Variants in ZNF423 observed in about 807,000 individuals in gnomAD.
ZNF423 encodes Ebf-associated zinc finger protein.
A neutral mutation model predicts 95.8 loss-of-function variants in ZNF423; 12 were observed. The observed-to-expected ratio is 0.13, with a 90% CI of 0.08 to 0.20. The LOEUF is 0.20. Among genes scored for constraint, ZNF423 ranks in the 10% least tolerant of loss-of-function variants. The pLI, the probability that ZNF423 is intolerant of heterozygous loss-of-function variation, is 1.00. For synonymous variants in ZNF423, 749 were observed against 711.9 expected, an observed-to-expected ratio of 1.05 and a Z score of -0.83; for missense variants, 1,316 against 1,737.1, an observed-to-expected ratio of 0.76 and a Z score of 4.31.
intron 5 of ZNF423, among the ~76,000 whole-genome samples, chr16:49,537,650 C>T (rs970353446): frequency 1.3e-5 from 2 of 152,192 alleles, no homozygotes; most frequent in African/African-American, 4.8e-5. Flanking sequence ...TCACAGTGCA[C>T]AGGGCCCTCA....
chr16:49,781,520 C>G (rs538669876), intron 2 of ZNF423, among the ~76,000 whole-genome samples: 1 of 152,182 alleles, frequency 6.6e-6, no homozygotes. Flanking sequence ...AACGCAAGTG[C>G]AGAAGCGCAG....
intron 5 of ZNF423, among the ~76,000 whole-genome samples, chr16:49,578,522 A>G (rs1970567454): frequency 1.3e-5 from 2 of 152,138 alleles, no homozygotes; most frequent in South Asian, 2.1e-4. Context: ...CTCCCGCCAC[A>G]GATGAGCAGA....
At chr16:49,631,046 C>T (rs1972476797) in intron 4 of ZNF423, among the ~76,000 whole-genome samples, 1 of 152,136 alleles carries the variant, frequency 6.6e-6, no homozygotes, top group Non-Finnish European at 1.5e-5. Context: ...CAACCTGTAA[C>T]ACAGATACAT....
chr16:49,649,323 G>A (rs1973299753), intron 3 of ZNF423, among the ~76,000 whole-genome samples: 2 of 152,110 alleles, frequency 1.3e-5, no homozygotes, highest in South Asian at 4.1e-4. Context: ...TCTCTTGATA[G>A]AGAGAATCCG....
intron 5 of ZNF423, among the ~76,000 whole-genome samples, chr16:49,609,630 GA>G (rs1971655765): frequency 6.6e-6 from 1 of 150,494 alleles, no homozygotes; most frequent in Non-Finnish European, 1.5e-5. Context: ...GAAGAGAGAA[GA>G]GAAAAAAAGA....
intron 2 of ZNF423, among the ~76,000 whole-genome samples, chr16:49,757,463 G>T (rs1016648607): frequency 2.0e-5 from 3 of 152,244 alleles, no homozygotes; most frequent in African/African-American, 7.2e-5. Context: ...CCTGCTTGAA[G>T]TTAAGTTTCC....
chr16:49,789,447 G>T, intron 2 of ZNF423, 40 bp downstream of exon 2: 2 of 1,594,172 alleles, frequency 1.3e-6, no homozygotes, highest in African/African-American at 1.4e-5. Context: ...CCAGCCCCCA[G>T]GACCCCCTGC....
chr16:49,552,256 A>C (rs796092749), intron 5 of ZNF423, among the ~76,000 whole-genome samples: 23 of 152,278 alleles, frequency 1.5e-4, no homozygotes, highest in African/African-American at 5.3e-4. Context: ...TCTGCCACTG[A>C]CTCACTGTGT....
At chr16:49,783,222 G>A (rs576319161) in intron 2 of ZNF423, among the ~76,000 whole-genome samples, 1 of 152,040 alleles carries the variant, frequency 6.6e-6, no homozygotes, top group African/African-American at 2.4e-5. Flanking sequence ...AGGGGTTAGG[G>A]GTAGGGTTAG....
chr16:49,836,898 C>G (rs1377058778), intron 1 of ZNF423, among the ~76,000 whole-genome samples: 2 of 152,158 alleles, frequency 1.3e-5, no homozygotes, highest in African/African-American at 4.8e-5. Context: ...GAGCTCAGAC[C>G]CTGGGAACCC....
chr16:49,709,940 A>G (rs540265680), intron 3 of ZNF423, among the ~76,000 whole-genome samples: 12 of 152,282 alleles, frequency 7.9e-5, no homozygotes, highest in African/African-American at 2.9e-4. Flanking sequence ...GCCAGAGCGG[A>G]CTGAGGCAGC....
intron 2 of ZNF423, among the ~76,000 whole-genome samples, chr16:49,740,932 C>A (rs2033401762): frequency 6.6e-6 from 1 of 152,202 alleles, no homozygotes. Flanking sequence ...TATCTTTCGC[C>A]TCGTGACCCC....
chr16:49,572,261 C>T lies in ZNF423; in HGVS notation c.3602-46767G>A, dbSNP rs547440903. 2.6e-5 allele frequency among the ~76,000 whole-genome samples: 4 copies of T among 152,230 alleles called. No homozygotes were observed. In the South Asian group the frequency reaches 6.2e-4, roughly 24 times the overall value. ...ATGACAATTCCCTCGGCAGAGGGAACGTCCCATCCCAGTGGGACACAAGGA... is the reference window on the plus strand; with the variant it reads ...ATGACAATTCCCTCGGCAGAGGGAATGTCCCATCCCAGTGGGACACAAGGA... On this transcript the variant is annotated intron_variant, in intron 5 of 7. Transcript: ENST00000563137.
chr16:49,807,084 A>G (rs934708292), intron 1 of ZNF423, among the ~76,000 whole-genome samples: 6 of 151,932 alleles, frequency 3.9e-5, no homozygotes, highest in Non-Finnish European at 8.8e-5. Flanking sequence ...TGTTAAACAT[A>G]CACTACAGCA....
chr16:49,491,409 G>C (rs1211780810), intron 7 of ZNF423, 105 bp from the exon 8 acceptor site: 15 of 1,410,180 alleles, frequency 1.1e-5, no homozygotes, highest in Non-Finnish European at 1.4e-5. Flanking sequence ...AAAGCGTCTC[G>C]ATTATAACAA....
intron 3 of ZNF423, among the ~76,000 whole-genome samples, chr16:49,715,569 C>T (rs558499202): frequency 4.3e-4 from 66 of 152,248 alleles, no homozygotes; most frequent in African/African-American, 1.5e-3. Flanking sequence ...ACCAAGACCA[C>T]ATTTTTTCAA....
intron 1 of ZNF423, among the ~76,000 whole-genome samples, chr16:49,844,295 A>C (rs2035220742): frequency 6.6e-6 from 1 of 152,154 alleles, no homozygotes; most frequent in Admixed American, 6.5e-5. Context: ...GAAAATAAAT[A>C]ATTAAAATTA....
In ZNF423 at chr16:49,619,782, C is replaced by T. The variant is rs757708354; in HGVS notation, c.3601+6388G>A. Reference sequence around the variant, plus strand: ...CACCATTGAAGAGCCTGACACAGCCCGGTTCAGCAACACGTGATCCTGGCA... The same window carrying T: ...CACCATTGAAGAGCCTGACACAGCCTGGTTCAGCAACACGTGATCCTGGCA... On this transcript the variant is annotated intron_variant, in intron 5 of 7. Transcript: ENST00000563137. Among the ~76,000 whole-genome samples, 9 of 152,232 alleles carry T rather than the reference C, an allele frequency of 5.9e-5. No homozygotes were observed. In the East Asian group the frequency reaches 1.5e-3, roughly 26 times the overall value.
At chr16:49,850,073 G>A (rs1459918226) in intron 1 of ZNF423, among the ~76,000 whole-genome samples, 2 of 152,238 alleles carry the variant, frequency 1.3e-5, no homozygotes, top group East Asian at 3.8e-4. Flanking sequence ...ACAGCCACAT[G>A]GAGCAATCAG....
Sources: gnomAD v4.1 joint callset for allele counts (sites outside exome capture counted in the v4.1 genomes callset) on GRCh38, gnomAD v4.1.1 for gene constraint, MANE v1.5 for transcripts, NCBI Gene and HGNC (gene_info 2026-07-23, HGNC 2026-07-21) for gene names.